The following PIK3CB variants were observed in gnomAD, a reference collection of about 807,000 sequenced individuals.
PIK3CB encodes the protein phosphatidylinositol-4,5-bisphosphate 3-kinase catalytic subunit beta.
PIK3CB carries 39 observed loss-of-function variants against 136.8 expected under a neutral mutation model. The observed-to-expected ratio is 0.29, with a 90% CI of 0.22 to 0.37. The LOEUF is 0.37. Ranked by LOEUF, PIK3CB falls within the 10% of genes least tolerant of loss-of-function variation. The pLI, the probability that PIK3CB is intolerant of heterozygous loss-of-function variation, is 1.00. For missense variants in PIK3CB, 868 were observed against 1,275.4 expected (o/e 0.68, Z 4.87); for synonymous variants, 428 against 436.6 (o/e 0.98, Z 0.25).
intron 16 of PIK3CB, among the ~76,000 whole-genome samples, chr3:138,687,114 A>G (rs2043911244): frequency 6.6e-6 from 1 of 152,154 alleles, no homozygotes; most frequent in Non-Finnish European, 1.5e-5. Flanking sequence ...TGAATACCCC[A>G]TGGACATAAG....
intron 1 of PIK3CB, among the ~76,000 whole-genome samples, chr3:138,832,991 G>A (rs979017925): frequency 2.6e-5 from 4 of 151,328 alleles, no homozygotes; most frequent in African/African-American, 7.3e-5. Context: ...CAGCCTGGGC[G>A]ACAGACCGAG....
intron 1 of PIK3CB, chr3:138,825,309 G>A (rs1197427508): frequency 4.1e-6 from 2 of 491,688 alleles, no homozygotes; most frequent in South Asian, 3.1e-5. Flanking sequence ...TGGTGTCGGA[G>A]AATTTAAAGC....
At position 138,653,023 on chromosome 3, in the gene PIK3CB, G is replaced by A; in HGVS notation, c.*2366C>T. On this transcript the variant is annotated 3_prime_UTR_variant, in exon 24 of 24. Coordinates refer to ENST00000674063, the MANE Select transcript of PIK3CB (RefSeq NM_006219.3). ...AACTTACAATAAAGTCACTTACCCA[G>A]GAATCTAACAAACGATGCATAATAT... 4.8e-6 allele frequency: 1 copy of A among 208,492 alleles called. No individual in the cohort carries two copies. The highest frequency in any genetic ancestry group is 7.4e-5 in the East Asian group (1 of 13,448). 12.9% of individuals were successfully genotyped at this position (208,492 alleles called of 1,614,324 possible).
At chr3:138,739,746 TAA>T (rs1559853469) in intron 5 of PIK3CB, among the ~76,000 whole-genome samples, 1 of 136,396 alleles carries the variant, frequency 7.3e-6, no homozygotes, top group East Asian at 2.4e-4. Flanking sequence ...ACTAAAAATA[TAA>T]AAAATTAGCC....
At chr3:138,821,778 C>A (rs893480180) in intron 1 of PIK3CB, among the ~76,000 whole-genome samples, 6 of 151,618 alleles carry the variant, frequency 4.0e-5, no homozygotes, top group Admixed American at 6.6e-5. Flanking sequence ...GAGTAAGACT[C>A]CATTTCAAAA....
At chr3:138,747,054 TTATA>T (rs59299476) in intron 4 of PIK3CB, among the ~76,000 whole-genome samples, 452 of 42,182 alleles carry the variant, frequency 0.011, 10 homozygotes, top group Non-Finnish European at 0.017. Context: ...TATTCAGCCT[TTATA>T]TATATATATA....
At chr3:138,813,851 T>G (rs1933185129) in intron 1 of PIK3CB, among the ~76,000 whole-genome samples, 1 of 152,038 alleles carries the variant, frequency 6.6e-6, no homozygotes, top group Admixed American at 6.6e-5. Context: ...ATATGAGCAT[T>G]CCAAAGAAAT....
chr3:138,738,061 T>G (rs1162518572), intron 5 of PIK3CB, among the ~76,000 whole-genome samples, 175 bp from the exon 6 acceptor site: 1 of 152,206 alleles, frequency 6.6e-6, no homozygotes, highest in African/African-American at 2.4e-5. Flanking sequence ...TACTGAAAGA[T>G]AAAGATTTCT....
chr3:138,766,535 C>A (rs1391850252), intron 2 of PIK3CB, among the ~76,000 whole-genome samples: 4 of 151,710 alleles, frequency 2.6e-5, no homozygotes, highest in Admixed American at 2.6e-4. Context: ...TAACAGTTGC[C>A]CATGCTTAAA....
intron 2 of PIK3CB, among the ~76,000 whole-genome samples, chr3:138,782,442 C>T (rs1010466431): frequency 5.9e-5 from 9 of 152,178 alleles, no homozygotes; most frequent in Admixed American, 2.6e-4. Flanking sequence ...TGATAAATCT[C>T]CTGAGTATAG....
At chr3:138,728,793 A>C (rs1298116003) in intron 8 of PIK3CB, among the ~76,000 whole-genome samples, 1 of 151,808 alleles carries the variant, frequency 6.6e-6, no homozygotes, top group Non-Finnish European at 1.5e-5. Context: ...AAAAAAAAAA[A>C]GAAAACCAAT....
chr3:138,679,880 C>A (rs1216243799), intron 19 of PIK3CB, among the ~76,000 whole-genome samples: 1 of 147,870 alleles, frequency 6.8e-6, no homozygotes, highest in Non-Finnish European at 1.5e-5. Flanking sequence ...AGGCGTAAGC[C>A]ACTGCACCCA....
chr3:138,786,310 C>T (rs1364962793), intron 2 of PIK3CB, among the ~76,000 whole-genome samples: 3 of 152,040 alleles, frequency 2.0e-5, no homozygotes, highest in African/African-American at 7.2e-5. Context: ...ATCCTTAAAA[C>T]TTTGAATAAA....
At chr3:138,831,737 C>A (rs1439302428) in intron 1 of PIK3CB, among the ~76,000 whole-genome samples, 1 of 152,134 alleles carries the variant, frequency 6.6e-6, no homozygotes. Flanking sequence ...CCATCCTGGC[C>A]AATATGGTGA....
At position 138,707,274 on chromosome 3, in the gene PIK3CB, A is replaced by C. The variant is rs187448387; in HGVS notation, c.1415T>G (p.Met472Arg). ...WSSFPDELEE[M>R]LNPMGTVQTN... ...TTGAACAGTTCCCATTGGATTCAAC[A>C]TTTCTTCGAGTTCATCTAAAACATG... Residue 472 changes from methionine to arginine, a missense_variant, in exon 11 of 24, where the codon ATG becomes AGG. Around this residue, in one of 4 missense-constraint regions of PIK3CB, gnomAD observed 612 missense variants for 801.1 expected, o/e 0.76. Coordinates refer to ENST00000674063, the MANE Select transcript of PIK3CB (RefSeq NM_006219.3). The C allele has an allele frequency of 6.3e-7, 1 of 1,599,692 alleles. No individual in the cohort carries two copies. Among genetic ancestry groups the C allele is most frequent in the Non-Finnish European group, 8.5e-7 (1 of 1,174,694 alleles).
intron 1 of PIK3CB, among the ~76,000 whole-genome samples, chr3:138,819,328 CAG>C (rs1933461486): frequency 6.7e-6 from 1 of 149,550 alleles, no homozygotes; most frequent in Admixed American, 6.7e-5. Context: ...GCCTGGGCGA[CAG>C]AGTGAGACTC....
chr3:138,698,848 T>C, intron 13 of PIK3CB, 59 bp downstream of exon 13: 1 of 999,220 alleles, frequency 1.0e-6, no homozygotes, highest in South Asian at 2.0e-5. Flanking sequence ...GGATACTTTA[T>C]GTGAATCCAA....
chr3:138,809,235 G>A lies in PIK3CB; in HGVS notation c.-121-12668C>T, dbSNP rs144861491. 1.8e-3 allele frequency among the ~76,000 whole-genome samples: 264 copies of A among 150,826 alleles called. 1 individual carries two copies. Among genetic ancestry groups the A allele is most frequent in the African/African-American group, 6.2e-3 (254 of 41,036 alleles). On this transcript the variant is annotated intron_variant, in intron 1 of 23. Coordinates refer to ENST00000674063, the MANE Select transcript of PIK3CB (RefSeq NM_006219.3). Reference sequence around the variant, plus strand: ...GGAGACTGCAGTGAACCGAGACTGCGCCACTGCACTCCAGCCTGGGAGACA... The same window carrying A: ...GGAGACTGCAGTGAACCGAGACTGCACCACTGCACTCCAGCCTGGGAGACA...
rs567600161 is a variant in PIK3CB at position 138,663,378 on chromosome 3, T to C, written c.2796+528A>G. Reference sequence around the variant, plus strand: ...GAACAGGCCACTTTAACTACAAAAATTTTTTCAATAATTTTTTTTTGAGAT... The same window carrying C: ...GAACAGGCCACTTTAACTACAAAAACTTTTTCAATAATTTTTTTTTGAGAT... On this transcript the variant is annotated intron_variant, in intron 21 of 23. Coordinates refer to ENST00000674063, the MANE Select transcript of PIK3CB (RefSeq NM_006219.3). 3.9e-5 allele frequency among the ~76,000 whole-genome samples: 6 copies of C among 152,262 alleles called. No individual in the cohort carries two copies. In the South Asian group the frequency reaches 1.2e-3, roughly 32 times the overall value.
Sources: allele counts gnomAD v4.1 joint callset (sites outside exome capture counted in the v4.1 genomes callset), GRCh38; gene constraint gnomAD v4.1.1; regional missense constraint gnomAD v4.1.1; transcripts MANE v1.5; gene names NCBI Gene and HGNC (gene_info 2026-07-23, HGNC 2026-07-21).